The following FSTL4 variants were observed in gnomAD, a reference collection of about 807,000 sequenced individuals.
FSTL4 encodes the protein follistatin-related protein 4.
In FSTL4, 28 loss-of-function variants were observed where a neutral mutation model predicts 78.2. The ratio of observed to expected loss-of-function variants is 0.36; its 90% confidence interval spans 0.27 to 0.49. The LOEUF (loss-of-function observed/expected upper bound fraction) is 0.49. Ranked by LOEUF, FSTL4 falls within the 20% of genes least tolerant of loss-of-function variation. The pLI is 0.98. For synonymous variants in FSTL4, 422 were observed against 440.5 expected (o/e 0.96, Z 0.53); for missense variants, 922 against 1,084.9 (o/e 0.85, Z 2.11).
the FSTL4 span, among the ~76,000 whole-genome samples, chr5:133,695,969 G>C: frequency 6.6e-6 from 1 of 152,130 alleles, no homozygotes; most frequent in African/African-American, 2.4e-5. Context: ...CATTCCTTCT[G>C]TTCTGAGATA....
the FSTL4 span, among the ~76,000 whole-genome samples, chr5:133,752,186 G>T: frequency 5.0e-4 from 76 of 152,348 alleles, no homozygotes; most frequent in Middle Eastern, 0.014. Flanking sequence ...CTGGATCCTT[G>T]GTTGTGGGCC....
At chr5:133,552,831 G>C (rs184980546) in intron 3 of FSTL4, among the ~76,000 whole-genome samples, 1 of 152,190 alleles carries the variant, frequency 6.6e-6, no homozygotes, top group Non-Finnish European at 1.5e-5. Flanking sequence ...AGGACCCAAC[G>C]TGACTTTGGG....
Position 133,222,139 on chromosome 5 carries a change from C to T in FSTL4, c.1340-1273G>A, listed in dbSNP as rs1312917418. Among the ~76,000 whole-genome samples the T allele has an allele frequency of 3.3e-5, 5 of 152,048 alleles. No individual in the cohort carries two copies. The South Asian group carries it at 6.3e-4, about 19-fold the overall frequency. The stretch of plus-strand genomic sequence containing the variant: ...GGCTGACTCTATGATAAACCTCAGC[C>T]GCCTCCAGCGTCTGTGCTGAGACAG... On this transcript the variant is annotated intron_variant, in intron 11 of 15. Transcript: ENST00000265342.
intron 4 of FSTL4, among the ~76,000 whole-genome samples, chr5:133,320,729 T>G (rs11739743): frequency 6.6e-6 from 1 of 151,818 alleles, no homozygotes; most frequent in Non-Finnish European, 1.5e-5. Flanking sequence ...AATCATTGGC[T>G]GGGCGTGGTG....
At chr5:133,669,126 C>T in the FSTL4 span, among the ~76,000 whole-genome samples, 605 of 152,242 alleles carry the variant, frequency 4.0e-3, 3 homozygotes, top group Non-Finnish European at 7.2e-3. Flanking sequence ...CAGAAAAATC[C>T]CTTCACCAAA....
intron 3 of FSTL4, among the ~76,000 whole-genome samples, chr5:133,539,026 C>T (rs461418): frequency 0.41 from 61,914 of 151,866 alleles, 12,926 homozygotes; most frequent in African/African-American, 0.48. Flanking sequence ...TATGGTGGTT[C>T]GGGGATCCAC....
chr5:133,569,726 G>T (rs761903810), intron 2 of FSTL4, among the ~76,000 whole-genome samples: 14 of 152,076 alleles, frequency 9.2e-5, no homozygotes, highest in Non-Finnish European at 4.4e-5. Flanking sequence ...GACTTACATA[G>T]TAGATCTCAT....
upstream of FSTL4, among the ~76,000 whole-genome samples, chr5:133,614,576 C>G (rs745435206): frequency 6.6e-6 from 1 of 152,186 alleles, no homozygotes; most frequent in Non-Finnish European, 1.5e-5. Flanking sequence ...CTTGACACCT[C>G]TTTGAATTGC....
chr5:133,838,968 C>T, the FSTL4 span, among the ~76,000 whole-genome samples: 1 of 152,214 alleles, frequency 6.6e-6, no homozygotes, highest in South Asian at 2.1e-4. Flanking sequence ...GCCACAATGG[C>T]TCCAGTTGTC....
intron 4 of FSTL4, among the ~76,000 whole-genome samples, chr5:133,355,156 G>A (rs930022314): frequency 6.6e-6 from 1 of 152,232 alleles, no homozygotes; most frequent in African/African-American, 2.4e-5. Context: ...ACAGGTGCCA[G>A]CCACCTGTGC....
the FSTL4 span, among the ~76,000 whole-genome samples, chr5:133,708,504 G>A: frequency 6.6e-6 from 1 of 152,132 alleles, no homozygotes; most frequent in South Asian, 2.1e-4. Context: ...CAGAGCCACT[G>A]GACCTGACCG....
chr5:133,628,059 T>C, the FSTL4 span, among the ~76,000 whole-genome samples: 1 of 152,200 alleles, frequency 6.6e-6, no homozygotes. Context: ...AGTTCTTTGA[T>C]ACCAATAAGA....
At chr5:133,277,037 C>T (rs543754503) in intron 6 of FSTL4, among the ~76,000 whole-genome samples, 17 of 152,262 alleles carry the variant, frequency 1.1e-4, no homozygotes, top group South Asian at 6.2e-4. Context: ...ATAGGCTGGG[C>T]GCGGTGGCTC....
chr5:133,259,820 G>A (rs1752475508), intron 6 of FSTL4, among the ~76,000 whole-genome samples: 1 of 152,016 alleles, frequency 6.6e-6, no homozygotes, highest in Non-Finnish European at 1.5e-5. Context: ...GATAAAAGAG[G>A]TGTCAGGAAT....
At position 133,217,323 on chromosome 5, in the gene FSTL4, G is replaced by C; in HGVS notation, c.1514C>G (p.Ser505Cys). 1 of 1,614,098 alleles carries C rather than the reference G, an allele frequency of 6.2e-7. No homozygotes were observed. The highest frequency in any genetic ancestry group is 8.5e-7 in the Non-Finnish European group (1 of 1,179,924). Residue 505 changes from serine (S) to cysteine (C), a missense_variant, in exon 13 of 16, where the codon TCT becomes TGT. Ser to Cys is a moderately radical substitution (Grantham distance 112, BLOSUM62 -1). Coordinates refer to ENST00000265342, the MANE Select transcript of FSTL4 (RefSeq NM_015082.2). ...GTACCGGTTCCGGACATTGACTGCA[G>C]ATACCCACTGGCAGGGCTGGGTTGC... Reference protein sequence around the residue: ...KNATQPCQWVSAVNVRNRYIY... With the variant: ...KNATQPCQWVCAVNVRNRYIY...
chr5:133,286,983 C>A (rs1343488726), intron 6 of FSTL4, among the ~76,000 whole-genome samples: 1 of 152,168 alleles, frequency 6.6e-6, no homozygotes, highest in Non-Finnish European at 1.5e-5. Flanking sequence ...TAAAAACAAA[C>A]CCTTGACTCT....
chr5:133,740,299 T>A, the FSTL4 span, among the ~76,000 whole-genome samples: 1 of 152,072 alleles, frequency 6.6e-6, no homozygotes, highest in African/African-American at 2.4e-5. Flanking sequence ...GGGCAGGCAT[T>A]CTCTCCTATA....
intron 13 of FSTL4, among the ~76,000 whole-genome samples, chr5:133,215,690 A>G (rs1406773186): frequency 2.6e-5 from 4 of 152,216 alleles, no homozygotes; most frequent in Admixed American, 6.5e-5. Flanking sequence ...GGAGACCAGA[A>G]AGCCAAAATC....
chr5:133,778,082 G>T, the FSTL4 span, among the ~76,000 whole-genome samples: 1 of 152,228 alleles, frequency 6.6e-6, no homozygotes, highest in Non-Finnish European at 1.5e-5. Context: ...TAGAGGTGGG[G>T]TTTCCCAGCA....
Sources: gnomAD v4.1 joint callset for allele counts (sites outside exome capture counted in the v4.1 genomes callset) on GRCh38, gnomAD v4.1.1 for gene constraint, MANE v1.5 for transcripts, NCBI Gene and HGNC (gene_info 2026-07-23, HGNC 2026-07-21) for gene names.